NOD1: variants seen among roughly 807,000 people sequenced by gnomAD.
The protein encoded by NOD1 is nucleotide binding oligomerization domain containing 1.
In NOD1, 70 loss-of-function variants were observed where a neutral mutation model predicts 81.2. That is an observed-to-expected ratio of 0.86 (90% CI 0.71 to 1.05). The LOEUF is 1.05. Among genes scored for constraint, NOD1 ranks in the 50% least tolerant of loss-of-function variants. NOD1 has a pLI of 0.00. For missense variants in NOD1, 1,233 were observed against 1,228.0 expected (o/e 1.00, Z -0.06); for synonymous variants, 508 against 526.9 (o/e 0.96, Z 0.49).
At position 30,433,157 on chromosome 7, in the gene NOD1, C is replaced by T. The variant is rs1467050541; in HGVS notation, c.2644G>A (p.Asp882Asn). 4 of 1,613,874 alleles carry T rather than the reference C, an allele frequency of 2.5e-6. No homozygotes were observed. The highest frequency in any genetic ancestry group is 2.2e-5 in the East Asian group (1 of 44,906). The change falls in exon 12 of 14, where the codon GAT (aspartate) becomes AAT (asparagine). Residue 882 changes from aspartate (D) to asparagine (N), a missense_variant. Physicochemically the swap from Asp to Asn is conservative, Grantham distance 23. Coordinates refer to ENST00000222823, the MANE Select transcript of NOD1 (RefSeq NM_006092.4). ...TCTGCCAAACTCTCTGCCACTTCAT[C>T]GTTGAGTTCATTTTGGGTCAGCCTA... ...ILWLTQNELN[D>N]EVAESLAEML... is the part of the protein sequence containing the mutation.
At chr7:30,428,568 T>C (rs5743369) in intron 13 of NOD1, 35,879 of 152,198 alleles carry the variant, frequency 0.24, 5,840 homozygotes, top group African/African-American at 0.47. Context: ...TTGGTTGCAA[T>C]TCACCAAACT....
chr7:30,449,930 T>A (rs530702637), intron 6 of NOD1, among the ~76,000 whole-genome samples: 1 of 152,298 alleles, frequency 6.6e-6, no homozygotes, highest in Admixed American at 6.5e-5. Context: ...CGGCGGCTCA[T>A]GCCTGTAACC....
At chr7:30,468,786 T>A in intron 1 of NOD1, 5 of 978,614 alleles carry the variant, frequency 5.1e-6, no homozygotes, top group Non-Finnish European at 6.1e-6. Context: ...AGGAAATGAC[T>A]TCTCTTGAAT....
intron 9 of NOD1, among the ~76,000 whole-genome samples, chr7:30,439,664 C>T (rs1784737661): frequency 1.0e-5 from 1 of 97,452 alleles, no homozygotes; most frequent in Non-Finnish European, 1.9e-5. Context: ...TGCAAGGCGG[C>T]AACGAGGCTG....
intron 13 of NOD1, chr7:30,428,659 G>C (rs1215877401): frequency 6.6e-6 from 1 of 152,064 alleles, no homozygotes; most frequent in Non-Finnish European, 1.5e-5. Flanking sequence ...GTTGGCCAAG[G>C]AGCTGTTTTT....
intron 4 of NOD1, among the ~76,000 whole-genome samples, chr7:30,456,035 A>C (rs1416808091): frequency 6.6e-6 from 1 of 152,180 alleles, no homozygotes; most frequent in Non-Finnish European, 1.5e-5. Flanking sequence ...TATATTAAAA[A>C]CGGCTTTTTT....
chr7:30,478,362 A>G lies in NOD1; in HGVS notation c.-352+244T>C. Among the ~76,000 whole-genome samples, 1 of 152,180 alleles carries G rather than the reference A, an allele frequency of 6.6e-6. No homozygotes were observed. Among genetic ancestry groups the G allele is most frequent in the African/African-American group, 2.4e-5 (1 of 41,434 alleles). On this transcript the variant is annotated intron_variant, in intron 1 of 13. Coordinates refer to ENST00000222823, the MANE Select transcript of NOD1 (RefSeq NM_006092.4). This position sits in a 1 kb window ranked among gnomAD's most constrained non-coding sequence, Gnocchi z 4.1. ...TGGTTCTAAGCTGCTGGCACGATTG[A>G]GAACCCCTGCGTTCGACCACAGTGG...
At chr7:30,457,285 T>C (rs1786482355) in intron 3 of NOD1, among the ~76,000 whole-genome samples, 1 of 152,042 alleles carries the variant, frequency 6.6e-6, no homozygotes, top group Admixed American at 6.6e-5. Context: ...GACACCCATC[T>C]CTACAAAAAT....
chr7:30,464,408 T>A (rs1787476291), intron 1 of NOD1, among the ~76,000 whole-genome samples: 1 of 152,194 alleles, frequency 6.6e-6, no homozygotes, highest in Admixed American at 6.5e-5. Flanking sequence ...TCTACAGAGA[T>A]CCACTGAGCA....
intron 13 of NOD1, 42 bp downstream of exon 13, chr7:30,429,332 C>T (rs1783739155): frequency 6.6e-7 from 1 of 1,504,586 alleles, no homozygotes; most frequent in South Asian, 1.1e-5. Flanking sequence ...GGTGAGTAAA[C>T]AGTCACTGGT....
In NOD1 at chr7:30,471,763, T is replaced by C. The variant is rs576633967; in HGVS notation, c.-352+6843A>G. 9.9e-5 allele frequency among the ~76,000 whole-genome samples: 15 copies of C among 152,218 alleles called. No homozygotes were observed. In the South Asian group the frequency reaches 2.3e-3, roughly 23 times the overall value. On this transcript the variant is annotated intron_variant, in intron 1 of 13. Transcript: ENST00000222823. ...CTGTACATGCCCAACCTCCCTCCAC[T>C]CTTCGGGGTCTTTTGTTCCTGTTTC...
Position 30,425,539 on chromosome 7 carries a change from G to C in NOD1, c.*99C>G. On this transcript the variant is annotated 3_prime_UTR_variant, in exon 14 of 14. Coordinates refer to ENST00000222823, the MANE Select transcript of NOD1 (RefSeq NM_006092.4). ...CAGTGGACTCCTGATAGTCCCGCCT[G>C]CGCAGGCCCCTTTAAGACACTGACA... 1 of 867,532 alleles carries C rather than the reference G, an allele frequency of 1.2e-6. No individual in the cohort carries two copies. The highest frequency in any genetic ancestry group is 1.7e-5 in the African/African-American group (1 of 60,460). The allele number at this position is 867,532 out of a possible 1,614,324, so 53.7% of individuals were successfully genotyped here.
intron 13 of NOD1, 75 bp downstream of exon 13, chr7:30,429,299 T>C (rs1783735015): frequency 7.9e-7 from 1 of 1,270,222 alleles, no homozygotes; most frequent in East Asian, 2.3e-5. Context: ...CCACCCTGCG[T>C]TGTGCCTTGC....
intron 3 of NOD1, 46 bp downstream of exon 3, chr7:30,459,106 G>A (rs1238849570): frequency 6.6e-6 from 1 of 152,540 alleles, no homozygotes. Flanking sequence ...TTCATTTAAA[G>A]CATACCAGCT....
At chr7:30,448,273 C>G (rs1486174836) in intron 7 of NOD1, 25 bp downstream of exon 7, 3 of 1,566,686 alleles carry the variant, frequency 1.9e-6, no homozygotes, top group South Asian at 2.2e-5. Context: ...AGGTAGTTGG[C>G]CCAGTGTTCT....
At chr7:30,431,521 G>C (rs1783955126) in intron 12 of NOD1, among the ~76,000 whole-genome samples, 1 of 152,206 alleles carries the variant, frequency 6.6e-6, no homozygotes, top group Non-Finnish European at 1.5e-5. Context: ...TTTTTGACAA[G>C]GGTGTCAAGG....
rs545294236 is a variant in NOD1, at chr7:30,460,700, G to A, written c.-351-659C>T. On this transcript the variant is annotated intron_variant, in intron 1 of 13. Coordinates refer to ENST00000222823, the MANE Select transcript of NOD1 (RefSeq NM_006092.4). ...CCTGAGGCAAAGGCAGGTGGGGGTA[G>A]AGCCTGTGGGCAGTGAGGGAGCCCC... The A allele has an allele frequency of 4.1e-6, 4 of 985,186 alleles. No homozygotes were observed. In the East Asian group the frequency reaches 3.4e-4, roughly 84 times the overall value. 61.0% of individuals were successfully genotyped at this position (985,186 alleles called of 1,614,324 possible).
chr7:30,458,118 C>G (rs549616093), intron 3 of NOD1, among the ~76,000 whole-genome samples: 1 of 152,098 alleles, frequency 6.6e-6, no homozygotes, highest in Non-Finnish European at 1.5e-5. Flanking sequence ...AACAGGGACC[C>G]AGGCTATTTT....
chr7:30,457,601 A>G (rs1411826073), intron 3 of NOD1, among the ~76,000 whole-genome samples: 1 of 152,182 alleles, frequency 6.6e-6, no homozygotes, highest in East Asian at 1.9e-4. Context: ...CTATAAAGCA[A>G]AAGTGTGCTT....
Sources: allele counts gnomAD v4.1 joint callset (sites outside exome capture counted in the v4.1 genomes callset), GRCh38; gene constraint gnomAD v4.1.1; non-coding constraint Gnocchi (gnomAD v3.1); transcripts MANE v1.5; gene names NCBI Gene and HGNC (gene_info 2026-07-23, HGNC 2026-07-21).